Variants in ST6GALNAC3 observed in about 807,000 individuals in gnomAD.
ST6GALNAC3 encodes alpha-N-acetylgalactosaminide alpha-2,6-sialyltransferase 3.
In ST6GALNAC3, 25 loss-of-function variants were observed where a neutral mutation model predicts 32.7. The ratio of observed to expected loss-of-function variants is 0.76; its 90% confidence interval spans 0.56 to 1.07. The LOEUF is 1.07. ST6GALNAC3 is among the 50% of genes least tolerant of loss of function. ST6GALNAC3 has a pLI of 0.00. For synonymous variants in ST6GALNAC3, 129 were observed against 133.1 expected, an observed-to-expected ratio of 0.97 and a Z score of 0.21; for missense variants, 355 against 382.4, an observed-to-expected ratio of 0.93 and a Z score of 0.60.
intron 3 of ST6GALNAC3, among the ~76,000 whole-genome samples, chr1:76,496,041 C>CA (rs1343297816): frequency 6.6e-6 from 1 of 152,126 alleles, no homozygotes; most frequent in African/African-American, 2.4e-5. Context: ...ACATCACTTC[C>CA]AAATCAAAAT....
At chr1:76,413,413 G>A (rs574553477) in intron 3 of ST6GALNAC3, among the ~76,000 whole-genome samples, 21 of 152,230 alleles carry the variant, frequency 1.4e-4, no homozygotes, top group African/African-American at 3.9e-4. Flanking sequence ...TCCAATATTA[G>A]CATTCCAATT....
At chr1:76,478,203 T>TC (rs1381138171) in intron 3 of ST6GALNAC3, among the ~76,000 whole-genome samples, 3 of 152,186 alleles carry the variant, frequency 2.0e-5, no homozygotes, top group African/African-American at 7.2e-5. Flanking sequence ...TGGACTAATT[T>TC]CCCTTTAGCC....
At chr1:76,432,737 G>A (rs571630359) in intron 3 of ST6GALNAC3, among the ~76,000 whole-genome samples, 46 of 152,138 alleles carry the variant, frequency 3.0e-4, no homozygotes, top group African/African-American at 9.4e-4. Flanking sequence ...GATTACAGGC[G>A]TAAGCCACCA....
intron 3 of ST6GALNAC3, among the ~76,000 whole-genome samples, chr1:76,423,432 T>A (rs549901872): frequency 1.3e-5 from 2 of 152,092 alleles, no homozygotes; most frequent in South Asian, 4.1e-4. Flanking sequence ...ATGCTTTTTT[T>A]ATGAAGAAGG....
At chr1:76,217,723 C>T (rs991065881) in intron 1 of ST6GALNAC3, among the ~76,000 whole-genome samples, 8 of 152,168 alleles carry the variant, frequency 5.3e-5, no homozygotes, top group East Asian at 1.9e-4. Context: ...TACGCCTTTG[C>T]GTCCTCATAG....
intron 1 of ST6GALNAC3, among the ~76,000 whole-genome samples, chr1:76,211,292 G>A (rs1423404590): frequency 6.6e-6 from 1 of 152,178 alleles, no homozygotes; most frequent in Non-Finnish European, 1.5e-5. Flanking sequence ...AACAACAGGT[G>A]CTGGAGAGGA....
chr1:76,432,363 C>T (rs1655816745), intron 3 of ST6GALNAC3, among the ~76,000 whole-genome samples: 1 of 146,480 alleles, frequency 6.8e-6, no homozygotes. Context: ...AAATTTTCAA[C>T]TTGTTTGGGC....
chr1:76,600,921 G>A (rs541169488), intron 3 of ST6GALNAC3, among the ~76,000 whole-genome samples: 12 of 152,274 alleles, frequency 7.9e-5, no homozygotes, highest in African/African-American at 1.2e-4. Context: ...GGTCACTCAC[G>A]CCTGTAATCC....
intron 1 of ST6GALNAC3, among the ~76,000 whole-genome samples, chr1:76,291,240 C>G (rs1660068306): frequency 6.6e-6 from 1 of 152,232 alleles, no homozygotes; most frequent in African/African-American, 2.4e-5. Flanking sequence ...GAAAGGGTTT[C>G]TTAATTAAAA....
chr1:76,443,456 G>T (rs1294720949), intron 3 of ST6GALNAC3, among the ~76,000 whole-genome samples: 4 of 152,194 alleles, frequency 2.6e-5, no homozygotes, highest in East Asian at 1.9e-4. Context: ...GAGTGAGGAC[G>T]CTATCGGTTC....
At chr1:76,217,622 G>A (rs1655541167) in intron 1 of ST6GALNAC3, among the ~76,000 whole-genome samples, 1 of 152,146 alleles carries the variant, frequency 6.6e-6, no homozygotes, top group Non-Finnish European at 1.5e-5. Context: ...CATCACCCAA[G>A]CAGTGAACAC....
At chr1:76,244,616 C>T (rs1456384124) in intron 1 of ST6GALNAC3, among the ~76,000 whole-genome samples, 1 of 152,032 alleles carries the variant, frequency 6.6e-6, no homozygotes, top group African/African-American at 2.4e-5. Context: ...AGATACGTTC[C>T]GTCAATACCT....
At chr1:76,628,393 A>T (rs1392876128) in intron 4 of ST6GALNAC3, among the ~76,000 whole-genome samples, 1 of 151,990 alleles carries the variant, frequency 6.6e-6, no homozygotes, top group Non-Finnish European at 1.5e-5. Context: ...TTTGAATGTA[A>T]TTGGCATGAT....
chr1:76,325,498 G>A (rs115380609), intron 2 of ST6GALNAC3, among the ~76,000 whole-genome samples: 4,076 of 151,936 alleles, frequency 0.027, 189 homozygotes, highest in African/African-American at 0.091. Flanking sequence ...GGAAGAAAAG[G>A]TAGAAAGTAA....
At chr1:76,389,907 C>T (rs1316744406) in intron 2 of ST6GALNAC3, among the ~76,000 whole-genome samples, 5 of 151,948 alleles carry the variant, frequency 3.3e-5, no homozygotes, top group Non-Finnish European at 7.4e-5. Flanking sequence ...TTTTTTGGTA[C>T]CATTTACTAA....
At chr1:76,317,094 G>C (rs1646879120) in intron 2 of ST6GALNAC3, among the ~76,000 whole-genome samples, 1 of 152,082 alleles carries the variant, frequency 6.6e-6, no homozygotes, top group Non-Finnish European at 1.5e-5. Context: ...GAAAACATTA[G>C]AACACTCAAA....
intron 3 of ST6GALNAC3, among the ~76,000 whole-genome samples, chr1:76,599,569 A>G (rs188154815): frequency 9.2e-5 from 14 of 152,028 alleles, no homozygotes; most frequent in Admixed American, 2.0e-4. Flanking sequence ...CTGTGAGATT[A>G]AATATTTCAT....
intron 3 of ST6GALNAC3, among the ~76,000 whole-genome samples, chr1:76,524,483 C>A (rs962862737): frequency 1.3e-5 from 2 of 152,038 alleles, no homozygotes; most frequent in African/African-American, 4.8e-5. Context: ...ATATACATTT[C>A]TTAAAGGTAA....
At chr1:76,233,385 G>C (rs1251060626) in intron 1 of ST6GALNAC3, among the ~76,000 whole-genome samples, 4 of 152,172 alleles carry the variant, frequency 2.6e-5, no homozygotes, top group African/African-American at 9.7e-5. Context: ...AATCTAACAT[G>C]CTTCGACCTA....
Sources: gnomAD v4.1 joint callset for allele counts (sites outside exome capture counted in the v4.1 genomes callset) on GRCh38, gnomAD v4.1.1 for gene constraint, MANE v1.5 for transcripts, NCBI Gene and HGNC (gene_info 2026-07-23, HGNC 2026-07-21) for gene names.